Variants in COX7B2 observed in about 807,000 individuals in gnomAD.
COX7B2 encodes cytochrome c oxidase subunit 7B2, also known as cytochrome c oxidase subunit 7B2, mitochondrial.
For missense variants in COX7B2, 109 were observed against 95.9 expected, an observed-to-expected ratio of 1.14 and a Z score of -0.57; for synonymous variants, 37 against 32.1, an observed-to-expected ratio of 1.15 and a Z score of -0.51.
In COX7B2 at chr4:46,804,238, G is replaced by A. The variant is rs187517787; in HGVS notation, c.-50+40722C>T. Among the ~76,000 whole-genome samples the A allele has an allele frequency of 3.6e-3, 541 of 152,202 alleles. 6 individuals carry two copies. The highest frequency in any genetic ancestry group is 0.012 in the African/African-American group (502 of 41,514). On this transcript the variant is annotated intron_variant, in intron 2 of 2. Transcript: ENST00000355591. Reference sequence around the variant, plus strand: ...GTGTTACAGCTCATAAAGGTAGTGCGGACCCAAAGAGTGAGCAGTAGCAAG... The same window carrying A: ...GTGTTACAGCTCATAAAGGTAGTGCAGACCCAAAGAGTGAGCAGTAGCAAG...
chr4:46,795,288 G>C (rs1317649252), intron 2 of COX7B2, among the ~76,000 whole-genome samples: 2 of 95,762 alleles, frequency 2.1e-5, no homozygotes, highest in African/African-American at 9.5e-5. Context: ...CCTATGTCCT[G>C]AATGGTAATG....
chr4:46,903,017 G>A (rs999160382), intron 1 of COX7B2, among the ~76,000 whole-genome samples: 7 of 152,274 alleles, frequency 4.6e-5, no homozygotes, highest in Admixed American at 2.0e-4. Flanking sequence ...GTCCTGCAAT[G>A]AGATCAAACA....
chr4:46,894,206 A>G (rs1221881863), intron 1 of COX7B2, among the ~76,000 whole-genome samples: 2 of 152,178 alleles, frequency 1.3e-5, no homozygotes, highest in Admixed American at 6.6e-5. Context: ...GAATAGCCAA[A>G]GTAATCCTAC....
chr4:46,790,351 C>T (rs1398374134), intron 2 of COX7B2, among the ~76,000 whole-genome samples: 4 of 152,166 alleles, frequency 2.6e-5, no homozygotes, highest in South Asian at 2.1e-4. Context: ...CTCCTGAAGA[C>T]CCAGACTCCT....
intron 2 of COX7B2, among the ~76,000 whole-genome samples, chr4:46,777,696 T>C (rs746771435): frequency 2.0e-5 from 3 of 152,064 alleles, no homozygotes; most frequent in Non-Finnish European, 4.4e-5. Context: ...AAGAAATGCA[T>C]AGGATTGTCA....
At chr4:46,814,949 G>A (rs1252586864) in intron 2 of COX7B2, among the ~76,000 whole-genome samples, 1 of 152,126 alleles carries the variant, frequency 6.6e-6, no homozygotes. Flanking sequence ...ACTTTGGGTG[G>A]CCGAAGTGGG....
intron 1 of COX7B2, among the ~76,000 whole-genome samples, chr4:46,850,002 T>C (rs1716559417): frequency 6.6e-6 from 1 of 151,898 alleles, no homozygotes; most frequent in Non-Finnish European, 1.5e-5. Flanking sequence ...AACTAAAAGA[T>C]GTTTTTTTTA....
At chr4:46,779,919 T>C (rs1254365117) in intron 2 of COX7B2, among the ~76,000 whole-genome samples, 1 of 152,202 alleles carries the variant, frequency 6.6e-6, no homozygotes, top group Non-Finnish European at 1.5e-5. Flanking sequence ...TAATTCACTA[T>C]AGTGAATAAT....
chr4:46,856,747 G>A (rs1409516955), intron 1 of COX7B2, among the ~76,000 whole-genome samples: 1 of 152,082 alleles, frequency 6.6e-6, no homozygotes, highest in Non-Finnish European at 1.5e-5. Flanking sequence ...GGTTTGTTTT[G>A]AATAATTGAG....
chr4:46,897,030 G>A (rs1719805349), intron 1 of COX7B2, among the ~76,000 whole-genome samples: 1 of 152,278 alleles, frequency 6.6e-6, no homozygotes, highest in East Asian at 1.9e-4. Flanking sequence ...CTTGGAGGTA[G>A]GGAAATTAAA....
At chr4:46,760,480 T>G (rs531567678) in intron 2 of COX7B2, among the ~76,000 whole-genome samples, 2 of 152,184 alleles carry the variant, frequency 1.3e-5, no homozygotes, top group African/African-American at 4.8e-5. Context: ...TATTGCATGT[T>G]CTCACTCATA....
In COX7B2 at chr4:46,885,729, G is replaced by A. The variant is rs146388875; in HGVS notation, c.-105+23431C>T. 4.1e-3 allele frequency among the ~76,000 whole-genome samples: 631 copies of A among 152,154 alleles called. 6 individuals carry two copies. Among genetic ancestry groups the A allele is most frequent in the African/African-American group, 0.014 (590 of 41,520 alleles). Reference sequence around the variant, plus strand: ...GTGGGTTTTTTTCTCATTTATCTAAGCATTTAATTCTTTCAGTTATCTTAA... The same window carrying A: ...GTGGGTTTTTTTCTCATTTATCTAAACATTTAATTCTTTCAGTTATCTTAA... On this transcript the variant is annotated intron_variant, in intron 1 of 2. Transcript: ENST00000355591.
At chr4:46,885,067 T>C (rs1560437337) in intron 1 of COX7B2, among the ~76,000 whole-genome samples, 1 of 152,138 alleles carries the variant, frequency 6.6e-6, no homozygotes, top group Non-Finnish European at 1.5e-5. Flanking sequence ...ACATCAAACA[T>C]AATTTTCCTT....
chr4:46,806,263 C>T (rs564106222), intron 2 of COX7B2, among the ~76,000 whole-genome samples: 3 of 150,752 alleles, frequency 2.0e-5, no homozygotes, highest in Admixed American at 2.0e-4. Flanking sequence ...ATTATATAAC[C>T]AACAAAGTAA....
chr4:46,867,501 T>A (rs1318490105), intron 1 of COX7B2, among the ~76,000 whole-genome samples: 2 of 152,172 alleles, frequency 1.3e-5, no homozygotes, highest in African/African-American at 2.4e-5. Context: ...GCAACATCCA[T>A]AAATAACCAC....
intron 1 of COX7B2, among the ~76,000 whole-genome samples, chr4:46,847,049 T>C (rs1716327953): frequency 6.6e-6 from 1 of 151,940 alleles, no homozygotes; most frequent in South Asian, 2.1e-4. Context: ...TTGAGGACGA[T>C]CAAATTTAAC....
At chr4:46,871,413 C>G (rs1348500173) in intron 1 of COX7B2, among the ~76,000 whole-genome samples, 1 of 152,110 alleles carries the variant, frequency 6.6e-6, no homozygotes, top group African/African-American at 2.4e-5. Flanking sequence ...CAATATCATC[C>G]TGCACATAGG....
At chr4:46,905,677 T>A (rs1720333829) in intron 1 of COX7B2, among the ~76,000 whole-genome samples, 3 of 152,068 alleles carry the variant, frequency 2.0e-5, no homozygotes, top group Admixed American at 2.0e-4. Flanking sequence ...AAGTATAAAA[T>A]TTTCCCTCTA....
chr4:46,874,213 CAAAATCA>C (rs1718180325), intron 1 of COX7B2, among the ~76,000 whole-genome samples: 1 of 151,894 alleles, frequency 6.6e-6, no homozygotes, highest in Non-Finnish European at 1.5e-5. Context: ...AACATAAGAC[CAAAATCA>C]AAAATGTATG....
Sources: gnomAD v4.1 joint callset for allele counts (sites outside exome capture counted in the v4.1 genomes callset) on GRCh38, gnomAD v4.1.1 for gene constraint, MANE v1.5 for transcripts, NCBI Gene and HGNC (gene_info 2026-07-23, HGNC 2026-07-21) for gene names.